MCFD2: variants seen among roughly 807,000 people sequenced by gnomAD.
MCFD2 encodes multiple coagulation factor deficiency 2, ER cargo receptor complex subunit, also known as multiple coagulation factor deficiency protein 2.
A neutral mutation model predicts 12.8 loss-of-function variants in MCFD2; 11 were observed. The ratio of observed to expected loss-of-function variants is 0.86; its 90% CI spans 0.54 to 1.42. The LOEUF is 1.42. Ranked by LOEUF, MCFD2 falls within the 40% of genes most tolerant of loss-of-function variation. The pLI is 0.00. For missense variants in MCFD2, 191 were observed against 178.6 expected (o/e 1.07, Z -0.40); for synonymous variants, 70 against 68.1 (o/e 1.03, Z -0.14).
rs976634244 is a variant in MCFD2 at position 46,913,741 on chromosome 2, G to T, written c.-7+1982C>A. Reference sequence around the variant, plus strand: ...CAAGGCGCAGCCTCAGTCCTGGGAGGGCAGTGCTGGACCATCAGGAGCAGT... The same window carrying T: ...CAAGGCGCAGCCTCAGTCCTGGGAGTGCAGTGCTGGACCATCAGGAGCAGT... On this transcript the variant is annotated intron_variant, in intron 1 of 3. Coordinates refer to ENST00000319466, the MANE Select transcript of MCFD2 (RefSeq NM_139279.6). The T allele has an allele frequency of 9.2e-5, 14 of 152,506 alleles. No homozygotes were observed. In the East Asian group the frequency reaches 2.7e-3, roughly 29 times the overall value. 9.4% of individuals were successfully genotyped at this position (152,506 alleles called of 1,614,324 possible). A position where few individuals can be genotyped will look rare whatever the true frequency, so the allele number is the denominator to read the frequency against.
chr2:46,906,475 ATTTTTTT>A (rs70940646), intron 3 of MCFD2, among the ~76,000 whole-genome samples: 70 of 91,694 alleles, frequency 7.6e-4, no homozygotes, highest in African/African-American at 2.5e-3. Context: ...AGGCACGAGG[ATTTTTTT>A]TTTTTTTTTT....
chr2:46,917,288 G>A, upstream of MCFD2: 2 of 661,036 alleles, frequency 3.0e-6, no homozygotes, highest in East Asian at 2.7e-5. Context: ...GTGAGCCACC[G>A]CGCCGGGACA....
At chr2:46,927,658 CA>C (rs546308417) in intron 1 of MCFD2, among the ~76,000 whole-genome samples, 1 of 150,108 alleles carries the variant, frequency 6.7e-6, no homozygotes, top group Non-Finnish European at 1.5e-5. Flanking sequence ...CCGCGCCCGG[CA>C]AAAAAAAGAT....
In MCFD2 at chr2:46,908,949, A is replaced by G; in HGVS notation, c.149+74T>C. ...AACAGGAAGAAGGAAAGGAGGACTGAGCATGCCCTTGCCGCTGGCTCAGCT... is the reference window on the plus strand; with the variant it reads ...AACAGGAAGAAGGAAAGGAGGACTGGGCATGCCCTTGCCGCTGGCTCAGCT... On this transcript the variant is annotated intron_variant, in intron 2 of 3. Transcript: ENST00000319466. The surrounding 1 kb of genome is among the most constrained non-coding windows in gnomAD (Gnocchi z 4.5). 1 of 1,585,834 alleles carries G rather than the reference A, an allele frequency of 6.3e-7. No homozygotes were observed. The highest frequency in any genetic ancestry group is 8.7e-7 in the Non-Finnish European group (1 of 1,154,358).
intron 1 of MCFD2, among the ~76,000 whole-genome samples, chr2:46,931,529 C>T (rs1558480205): frequency 6.6e-6 from 1 of 151,976 alleles, no homozygotes; most frequent in South Asian, 2.1e-4. Context: ...GGGTCAGAGT[C>T]AGAGTAGAGG....
intron 1 of MCFD2, among the ~76,000 whole-genome samples, chr2:46,927,884 G>GTTTTTTTT (rs566447236): frequency 6.8e-5 from 5 of 73,322 alleles, no homozygotes; most frequent in East Asian, 3.8e-4. Flanking sequence ...TTTTTTTGGT[G>GTTTTTTTT]TTTTTTTTTT....
At chr2:46,914,085 G>C (rs1325829090) in intron 1 of MCFD2, 1 of 152,290 alleles carries the variant, frequency 6.6e-6, no homozygotes, top group African/African-American at 2.4e-5. Flanking sequence ...GATCTCTGCT[G>C]AGCTGACCTG....
intron 1 of MCFD2, among the ~76,000 whole-genome samples, chr2:46,928,623 G>T (rs1412046814): frequency 6.6e-6 from 1 of 151,888 alleles, no homozygotes; most frequent in Non-Finnish European, 1.5e-5. Flanking sequence ...TATAAAAATT[G>T]ACCAGATGTG....
rs766487441 is a variant in MCFD2, at chr2:46,908,538, A to G, written c.149+485T>C. The G allele has an allele frequency of 3.3e-5, 9 of 270,580 alleles. No individual in the cohort carries two copies. Among genetic ancestry groups the G allele is most frequent in the Non-Finnish European group, 5.7e-5 (8 of 139,670 alleles). 16.8% of individuals were successfully genotyped at this position (270,580 alleles called of 1,614,324 possible). A position where few individuals can be genotyped will look rare whatever the true frequency, so the allele number is the denominator to read the frequency against. ...CTCAGCCTCCCAAAGCACTGGGATTACAGGTGTGAGCCACTGCACCCAGCC... is the reference window on the plus strand; with the variant it reads ...CTCAGCCTCCCAAAGCACTGGGATTGCAGGTGTGAGCCACTGCACCCAGCC... On this transcript the variant is annotated intron_variant, in intron 2 of 3. Transcript: ENST00000319466. The surrounding 1 kb of genome is among the most constrained non-coding windows in gnomAD (Gnocchi z 4.5).
At chr2:46,923,002 A>C (rs979127970) in intron 1 of MCFD2, among the ~76,000 whole-genome samples, 2 of 152,216 alleles carry the variant, frequency 1.3e-5, no homozygotes, top group African/African-American at 2.4e-5. Flanking sequence ...GGCTATTTTA[A>C]AGTATACGAA....
chr2:46,929,563 A>T (rs929610408), intron 1 of MCFD2, among the ~76,000 whole-genome samples: 1 of 152,230 alleles, frequency 6.6e-6, no homozygotes, highest in African/African-American at 2.4e-5. Flanking sequence ...AAGGAAATGT[A>T]AAAAAATTTT....
intron 1 of MCFD2, among the ~76,000 whole-genome samples, chr2:46,909,544 G>A (rs1402731055): frequency 6.6e-6 from 1 of 152,214 alleles, no homozygotes; most frequent in Admixed American, 6.5e-5. Flanking sequence ...CAGATTATCA[G>A]AGAAAGCGAA....
rs1668268568 is a variant in MCFD2 at position 46,907,004 on chromosome 2, G to C, written c.309+806C>G. ...CAGGCATGCACCACTGAAAATGGAA[G>C]TATTAACAATGCCTGCCACTGCCTA... On this transcript the variant is annotated intron_variant, in intron 3 of 3. Coordinates refer to ENST00000319466, the MANE Select transcript of MCFD2 (RefSeq NM_139279.6). The surrounding 1 kb of genome is among the most constrained non-coding windows in gnomAD (Gnocchi z 4.1). 1 of 152,422 alleles carries C rather than the reference G, an allele frequency of 6.6e-6. No homozygotes were observed. The highest frequency in any genetic ancestry group is 2.4e-5 in the African/African-American group (1 of 41,438). The allele number at this position is 152,422 out of a possible 1,614,324, so 9.4% of individuals were successfully genotyped here.
At chr2:46,932,762 G>A (rs1309084453) in intron 1 of MCFD2, among the ~76,000 whole-genome samples, 2 of 151,690 alleles carry the variant, frequency 1.3e-5, no homozygotes, top group African/African-American at 2.4e-5. Flanking sequence ...TTAGCCAAGA[G>A]TGGTGGTGCA....
chr2:46,906,943 AT>A (rs1380937256), intron 3 of MCFD2: 1 of 152,172 alleles, frequency 6.6e-6, no homozygotes, highest in Non-Finnish European at 1.5e-5. Context: ...GGTTCAAGTG[AT>A]CCTCCTACTT....
chr2:46,916,123 G>C, upstream of MCFD2: 1 of 985,566 alleles, frequency 1.0e-6, no homozygotes, highest in South Asian at 4.7e-5. Flanking sequence ...GGATGGGGCG[G>C]ACCCCAAAGC....
At position 46,908,102 on chromosome 2, in the gene MCFD2, C is replaced by CT; in HGVS notation, c.150-134_150-133insA. ...AACAAACACCAGCAGTGGCAGACCA[C>CT]ACTCAAGGATTACACAGAGATAGAC... is the stretch of plus-strand genomic sequence containing the variant. On this transcript the variant is annotated intron_variant, in intron 2 of 3. Coordinates refer to ENST00000319466, the MANE Select transcript of MCFD2 (RefSeq NM_139279.6). This position sits in a 1 kb window ranked among gnomAD's most constrained non-coding sequence, Gnocchi z 4.5. 1 of 931,644 alleles carries CT rather than the reference C, an allele frequency of 1.1e-6. No individual in the cohort carries two copies. The highest frequency in any genetic ancestry group is 2.0e-5 in the Admixed American group (1 of 50,378). 57.7% of individuals were successfully genotyped at this position (931,644 alleles called of 1,614,324 possible).
intron 1 of MCFD2, chr2:46,910,938 G>A (rs561759217): frequency 2.0e-5 from 3 of 152,340 alleles, no homozygotes; most frequent in Middle Eastern, 3.4e-3. Context: ...CACTCAGGAG[G>A]CTGAGATAGG....
chr2:46,934,704 C>CA (rs1316190613), intron 1 of MCFD2, among the ~76,000 whole-genome samples: 2 of 148,568 alleles, frequency 1.3e-5, no homozygotes, highest in Non-Finnish European at 3.0e-5. Flanking sequence ...AACAAACAAA[C>CA]AAAAAAACCC....
Sources: gnomAD v4.1 joint callset for allele counts (sites outside exome capture counted in the v4.1 genomes callset) on GRCh38, gnomAD v4.1.1 for gene constraint, Gnocchi (gnomAD v3.1) non-coding constraint, MANE v1.5 for transcripts, NCBI Gene and HGNC (gene_info 2026-07-23, HGNC 2026-07-21) for gene names.